STARD7: variants seen among roughly 807,000 people sequenced by gnomAD.
STARD7 encodes stAR-related lipid transfer protein 7, mitochondrial.
A neutral mutation model predicts 45.3 loss-of-function variants in STARD7; 30 were observed. The observed-to-expected ratio is 0.66, with a 90% CI of 0.50 to 0.90. The LOEUF (loss-of-function observed/expected upper bound fraction) is 0.90. Ranked by LOEUF, STARD7 falls within the 40% of genes least tolerant of loss-of-function variation. STARD7 has a pLI of 0.00. For synonymous variants in STARD7, 199 were observed against 183.0 expected (o/e 1.09, Z -0.70); for missense variants, 495 against 491.3 (o/e 1.01, Z -0.07).
At chr2:96,194,858 T>C (rs776705814) in intron 3 of STARD7, 100 bp downstream of exon 3, 409 of 931,804 alleles carry the variant, frequency 4.4e-4, no homozygotes, top group Non-Finnish European at 5.8e-4. Flanking sequence ...TAGATGGATG[T>C]ACTTAAGCCA....
chr2:96,189,720 A>C (rs1249488356), intron 6 of STARD7, among the ~76,000 whole-genome samples: 1 of 152,090 alleles, frequency 6.6e-6, no homozygotes, highest in East Asian at 1.9e-4. Flanking sequence ...AAAAAAAAAA[A>C]AAAATCAATA....
At chr2:96,204,770 C>T (rs1403391558) in intron 1 of STARD7, among the ~76,000 whole-genome samples, 1 of 108,886 alleles carries the variant, frequency 9.2e-6, no homozygotes, top group African/African-American at 3.4e-5. Flanking sequence ...AAAAAAGTTC[C>T]TTTAAGGCAA....
At chr2:96,206,519 G>A (rs1354587529) in intron 1 of STARD7, among the ~76,000 whole-genome samples, 3 of 152,120 alleles carry the variant, frequency 2.0e-5, no homozygotes, top group Admixed American at 2.0e-4. Context: ...AGTGGAACAC[G>A]GCCGGGCGCG....
At chr2:96,187,399 G>A in intron 6 of STARD7, 98 bp from the exon 7 acceptor site, 1 of 757,928 alleles carries the variant, frequency 1.3e-6, no homozygotes, top group Non-Finnish European at 2.2e-6. Flanking sequence ...TTCTGGAGCA[G>A]GGAGTGTCAT....
chr2:96,196,129 AC>A (rs1395985773), intron 1 of STARD7, among the ~76,000 whole-genome samples: 2,234 of 147,088 alleles, frequency 0.015, 15 homozygotes, highest in Admixed American at 0.028. Context: ...AAAAAAAAAA[AC>A]AAAAAACAAA....
intron 6 of STARD7, chr2:96,187,555 G>C: frequency 2.7e-6 from 1 of 376,010 alleles, no homozygotes; most frequent in Non-Finnish European, 4.9e-6. Flanking sequence ...CCTGTGCATA[G>C]ACTATGCAAA....
intron 1 of STARD7, among the ~76,000 whole-genome samples, chr2:96,196,423 GT>G (rs1683206946): frequency 6.6e-6 from 1 of 152,176 alleles, no homozygotes; most frequent in African/African-American, 2.4e-5. Flanking sequence ...TTCTGCCACT[GT>G]ACTCCAGTCT....
chr2:96,206,540 C>T (rs1290682908), intron 1 of STARD7, among the ~76,000 whole-genome samples: 1 of 151,942 alleles, frequency 6.6e-6, no homozygotes, highest in Non-Finnish European at 1.5e-5. Context: ...GTGGCTCACG[C>T]CTGTAATCCC....
chr2:96,187,335 T>C, intron 6 of STARD7, 34 bp from the exon 7 acceptor site: 1 of 1,377,714 alleles, frequency 7.3e-7, no homozygotes, highest in Non-Finnish European at 1.0e-6. Context: ...TGAAGATCCC[T>C]GAATCACCAA....
chr2:96,201,148 A>G (rs1433160170), intron 1 of STARD7, among the ~76,000 whole-genome samples: 8 of 152,338 alleles, frequency 5.3e-5, no homozygotes, highest in African/African-American at 1.4e-4. Flanking sequence ...TCATATTTGT[A>G]GTTCCAGCTC....
At chr2:96,193,209 G>A (rs1199715902) in intron 4 of STARD7, 33 bp downstream of exon 4, 1 of 1,599,664 alleles carries the variant, frequency 6.3e-7, no homozygotes, top group South Asian at 1.1e-5. Flanking sequence ...CACAAACCTG[G>A]ACAGAAATAA....
rs1374702843 is a variant in STARD7 at position 96,193,154 on chromosome 2, T to C, written c.667A>G (p.Met223Val). ...ACATAAACATAATCCCGTGAGTACA[T>C]TGGATACTAAAGAAATGGAGGAGCA... ...LHWVTHFPYPMYSRDYVYVRR... is the reference protein window; with the variant it reads ...LHWVTHFPYPVYSRDYVYVRR... Residue 223 changes from methionine (M) to valine (V), a missense_variant, in exon 5 of 8, where the codon ATG (methionine) becomes GTG (valine). Coordinates refer to ENST00000337288, the MANE Select transcript of STARD7 (RefSeq NM_020151.4). The C allele has an allele frequency of 8.7e-6, 14 of 1,610,964 alleles. No individual in the cohort carries two copies. Among genetic ancestry groups the C allele is most frequent in the Non-Finnish European group, 1.1e-5 (13 of 1,177,096 alleles).
At chr2:96,207,904 CCACT>C (rs934045075) in intron 1 of STARD7, among the ~76,000 whole-genome samples, 2 of 152,196 alleles carry the variant, frequency 1.3e-5, no homozygotes, top group East Asian at 3.8e-4. Context: ...CTTGCTCGCC[CCACT>C]CAAAGTCTCC....
At chr2:96,200,692 T>A (rs1683291721) in intron 1 of STARD7, among the ~76,000 whole-genome samples, 2 of 152,178 alleles carry the variant, frequency 1.3e-5, no homozygotes, top group South Asian at 4.1e-4. Flanking sequence ...CATAACCTCT[T>A]CTTTTTTGAG....
intron 1 of STARD7, among the ~76,000 whole-genome samples, chr2:96,196,117 A>C (rs1283613853): frequency 6.7e-6 from 1 of 150,176 alleles, no homozygotes; most frequent in Admixed American, 6.6e-5. Flanking sequence ...TTGTCTCAAA[A>C]AAAAAAAAAA....
chr2:96,197,303 G>C, intron 1 of STARD7, among the ~76,000 whole-genome samples: 1 of 150,134 alleles, frequency 6.7e-6, no homozygotes, highest in Non-Finnish European at 1.5e-5. Flanking sequence ...TACTCGGGAG[G>C]CTGAGGCAGA....
chr2:96,186,616 G>A lies in STARD7; in HGVS notation c.*114C>T. ...ATCAGTTATTGAATTATCTTGCACT[G>A]GAAGTTACAGCAGATGCCTTCTAAT... On this transcript the variant is annotated 3_prime_UTR_variant, in exon 8 of 8. Transcript: ENST00000337288. 1.4e-6 allele frequency: 1 copy of A among 692,018 alleles called. No homozygotes were observed. Among genetic ancestry groups the A allele is most frequent in the Non-Finnish European group, 2.3e-6 (1 of 433,936 alleles). The allele number at this position is 692,018 out of a possible 1,614,324, so 42.9% of individuals were successfully genotyped here. A position where few individuals can be genotyped will look rare whatever the true frequency, so the allele number is the denominator to read the frequency against.
At chr2:96,202,634 G>A (rs1183108683) in intron 1 of STARD7, among the ~76,000 whole-genome samples, 4 of 152,176 alleles carry the variant, frequency 2.6e-5, no homozygotes, top group African/African-American at 9.7e-5. Flanking sequence ...CACAACTCTT[G>A]AGTGTCATTC....
At position 96,208,516 on chromosome 2, in the gene STARD7, C is replaced by A. The variant is rs1013753454; in HGVS notation, c.-82G>T. 1 of 1,241,892 alleles carries A rather than the reference C, an allele frequency of 8.1e-7. No individual in the cohort carries two copies. The highest frequency in any genetic ancestry group is 1.6e-5 in the African/African-American group (1 of 63,070). 76.9% of individuals were successfully genotyped at this position (1,241,892 alleles called of 1,614,324 possible). On this transcript the variant is annotated 5_prime_UTR_variant, in exon 1 of 8. Coordinates refer to ENST00000337288, the MANE Select transcript of STARD7 (RefSeq NM_020151.4). ...GGGCGCAGGCGGTGGTCGCAGCGTC[C>A]CCCTAAATGGCCGGCCACGAACCCG...
Sources: allele counts gnomAD v4.1 joint callset (sites outside exome capture counted in the v4.1 genomes callset), GRCh38; gene constraint gnomAD v4.1.1; transcripts MANE v1.5; gene names NCBI Gene and HGNC (gene_info 2026-07-23, HGNC 2026-07-21).